Variants in TRRAP observed in about 807,000 individuals in gnomAD.
TRRAP encodes the protein transformation/transcription domain associated protein, also known as transformation/transcription domain-associated protein.
A neutral mutation model predicts 438.8 loss-of-function variants in TRRAP; 41 were observed. The ratio of observed to expected loss-of-function variants is 0.09; its 90% CI spans 0.07 to 0.12. The LOEUF (loss-of-function observed/expected upper bound fraction) is 0.12. Among genes scored for constraint, TRRAP ranks in the 10% least tolerant of loss-of-function variants. The probability of loss-of-function intolerance (pLI) is 1.00; values close to 1 mark genes in which losing one functional copy is unlikely to be tolerated. For synonymous variants in TRRAP, 1,994 were observed against 1,962.9 expected (o/e 1.02, Z -0.42); for missense variants, 3,122 against 5,055.1 (o/e 0.62, Z 11.60).
At chr7:98,938,560 T>TAC (rs1790659074) in intron 30 of TRRAP, among the ~76,000 whole-genome samples, 2 of 151,428 alleles carry the variant, frequency 1.3e-5, no homozygotes. Flanking sequence ...GGGGGTACAA[T>TAC]ATATATATAC....
chr7:98,962,226 G>A (rs1791929054), intron 46 of TRRAP, 76 bp from the exon 47 acceptor site: 16 of 1,602,616 alleles, frequency 1.0e-5, no homozygotes, highest in Non-Finnish European at 1.3e-5. Context: ...CAAGCAGCCA[G>A]CACTCAGTCC....
At chr7:99,008,244 G>A (rs1030663662) in intron 69 of TRRAP, 133 bp from the exon 70 acceptor site, 14 of 873,480 alleles carry the variant, frequency 1.6e-5, no homozygotes, top group African/African-American at 3.4e-5. Context: ...CATGACCACC[G>A]GGTTCTTCCA....
chr7:98,942,374 G>T (rs549497601), intron 30 of TRRAP, among the ~76,000 whole-genome samples: 5 of 152,304 alleles, frequency 3.3e-5, no homozygotes, highest in Admixed American at 1.3e-4. Context: ...CAGGGCCTTT[G>T]CCCTCCTCTT....
chr7:98,917,390 TTCCC>T, intron 19 of TRRAP, 29 bp from the exon 20 acceptor site: 1 of 1,604,694 alleles, frequency 6.2e-7, no homozygotes, highest in African/African-American at 1.3e-5. Flanking sequence ...GGGGAGCGTC[TTCCC>T]TCTCTGATAG....
chr7:98,918,486 C>G (rs1789629386), intron 20 of TRRAP, among the ~76,000 whole-genome samples: 1 of 151,792 alleles, frequency 6.6e-6, no homozygotes, highest in Non-Finnish European at 1.5e-5. Flanking sequence ...CCTCAGCCTC[C>G]CAAAGTGCTG....
At chr7:98,892,628 C>T in intron 5 of TRRAP, 100 bp downstream of exon 5, 1 of 1,022,700 alleles carries the variant, frequency 9.8e-7, no homozygotes, top group Non-Finnish European at 1.4e-6. Flanking sequence ...TTTTATCTTT[C>T]TCCCAAATTC....
chr7:99,008,295 C>T, intron 69 of TRRAP, 82 bp from the exon 70 acceptor site: 1 of 1,454,044 alleles, frequency 6.9e-7, no homozygotes, highest in Non-Finnish European at 9.5e-7. Flanking sequence ...CAGCTCTGCT[C>T]CCAGTGGCAC....
intron 3 of TRRAP, 43 bp downstream of exon 3, chr7:98,882,067 T>C: frequency 6.5e-7 from 1 of 1,541,874 alleles, no homozygotes; most frequent in Non-Finnish European, 8.9e-7. Flanking sequence ...GAGGTAAATA[T>C]TCTTATTCAC....
intron 4 of TRRAP, among the ~76,000 whole-genome samples, chr7:98,891,192 C>CATATATCTATAT (rs1554404795): frequency 9.0e-5 from 6 of 66,886 alleles, no homozygotes; most frequent in Admixed American, 1.8e-4. Flanking sequence ...AGAAATAGTC[C>CATATATCTATAT]ATATATATAT....
chr7:98,920,470 C>CAA (rs782559840), intron 20 of TRRAP, among the ~76,000 whole-genome samples: 5 of 93,680 alleles, frequency 5.3e-5, no homozygotes, highest in Admixed American at 1.2e-4. Context: ...ACTCCGTCTC[C>CAA]AAAAAAAAAA....
chr7:99,012,709 T>A lies in TRRAP; in HGVS notation c.*354T>A, dbSNP rs745805924. 16 of 249,734 alleles carry A rather than the reference T, an allele frequency of 6.4e-5. No individual in the cohort carries two copies. Among genetic ancestry groups the A allele is most frequent in the Admixed American group, 1.5e-4 (3 of 19,430 alleles). The allele number at this position is 249,734 out of a possible 1,614,324, so 15.5% of individuals were successfully genotyped here. A position where few individuals can be genotyped will look rare whatever the true frequency, so the allele number is the denominator to read the frequency against. On this transcript the variant is annotated 3_prime_UTR_variant, in exon 73 of 73. Transcript: ENST00000456197. The surrounding 1 kb of genome is among the most constrained non-coding windows in gnomAD (Gnocchi z 5.9). Reference sequence around the variant, plus strand: ...GTACAGGCGGAACTGTACGAACAGCTCCCTTCCATCCATTTTTAACTCTTT... The same window carrying A: ...GTACAGGCGGAACTGTACGAACAGCACCCTTCCATCCATTTTTAACTCTTT...
Position 98,892,540 on chromosome 7 carries a change from G to T in TRRAP, c.366+12G>T. On this transcript the variant is annotated intron_variant, in intron 5 of 72. Coordinates refer to ENST00000456197, the MANE Select transcript of TRRAP (RefSeq NM_001375524.1). ...TTCGCTTTTTAGAGGTAAGTTTTGA[G>T]AATTAATTCTTGTCGTATAGCCGTA... 1 of 1,590,024 alleles carries T rather than the reference G, an allele frequency of 6.3e-7. No homozygotes were observed. Among genetic ancestry groups the T allele is most frequent in the Non-Finnish European group, 8.6e-7 (1 of 1,165,986 alleles).
In TRRAP at chr7:98,949,473, C is replaced by T. The variant is rs367729860; in HGVS notation, c.4845C>T (p.Pro1615=). 6.2e-7 allele frequency: 1 copy of T among 1,610,046 alleles called. No individual in the cohort carries two copies. Among genetic ancestry groups the T allele is most frequent in the Non-Finnish European group, 8.5e-7 (1 of 1,178,542 alleles). Residue 1615 remains proline (P), a synonymous_variant, in exon 36 of 73, where the codon CCC becomes CCT. Transcript: ENST00000456197. The part of the protein sequence containing the change: ...RPLRDVLAAN[P]NRFITLLLPG... ...TGCGGGATGTGCTGGCTGCCAACCC[C>T]AACAGGTTCATCACCCTGCTGCTGC...
At chr7:98,982,280 G>T (rs1792965776) in intron 59 of TRRAP, among the ~76,000 whole-genome samples, 1 of 152,090 alleles carries the variant, frequency 6.6e-6, no homozygotes, top group Non-Finnish European at 1.5e-5. Context: ...GCAAGCTTTT[G>T]GCGGGAGCTG....
chr7:98,945,666 C>A, intron 31 of TRRAP, 81 bp from the exon 32 acceptor site: 2 of 1,527,050 alleles, frequency 1.3e-6, no homozygotes, highest in Admixed American at 1.8e-5. Flanking sequence ...CCCCAATAAC[C>A]CTTACTGTGT....
At chr7:98,888,815 C>G (rs1795832716) in intron 3 of TRRAP, among the ~76,000 whole-genome samples, 1 of 152,148 alleles carries the variant, frequency 6.6e-6, no homozygotes. Flanking sequence ...CATATCCCCC[C>G]TCATGGTTCT....
In TRRAP at chr7:98,945,876, T is replaced by C. The variant is rs1194506530; in HGVS notation, c.4528-54T>C. 1.9e-6 allele frequency: 3 copies of C among 1,571,186 alleles called. No homozygotes were observed. The African/African-American group carries it at 4.1e-5, about 21-fold the overall frequency. On this transcript the variant is annotated intron_variant, in intron 32 of 72. Coordinates refer to ENST00000456197, the MANE Select transcript of TRRAP (RefSeq NM_001375524.1). ...GTTTACCTTTTCTTTTCTTTTCTTT[T>C]CTTTTTACCTTTCTGTTGCCTTTTT...
At chr7:98,933,160 A>G (rs1554413349) in intron 26 of TRRAP, 81 bp from the exon 27 acceptor site, 1 of 1,462,464 alleles carries the variant, frequency 6.8e-7, no homozygotes, top group Non-Finnish European at 9.1e-7. Context: ...TTGGATCTCA[A>G]ACATGGTTTT....
rs1554414608 is a variant in TRRAP at position 98,937,795 on chromosome 7, A to G, written c.4379A>G (p.Asn1460Ser). The G allele has an allele frequency of 3.7e-6, 6 of 1,613,358 alleles. No individual in the cohort carries two copies. Among genetic ancestry groups the G allele is most frequent in the Non-Finnish European group, 5.1e-6 (6 of 1,179,758 alleles). ...SVTRLFPNSF[N>S]DKFCDQMMQH... ...ACGAGGCTCTTCCCAAATTCCTTCAATGATAAATTTTGTGATCAGATGATG... is the reference window on the plus strand; with the variant it reads ...ACGAGGCTCTTCCCAAATTCCTTCAGTGATAAATTTTGTGATCAGATGATG... Residue 1460 changes from asparagine (N) to serine (S), a missense_variant, in exon 30 of 73, where the codon AAT becomes AGT. Around this residue, in one of 24 missense-constraint regions of TRRAP, gnomAD observed 108 missense variants for 256.9 expected, o/e 0.42. Transcript: ENST00000456197.
Sources: allele counts gnomAD v4.1 joint callset (sites outside exome capture counted in the v4.1 genomes callset), GRCh38; gene constraint gnomAD v4.1.1; regional missense constraint gnomAD v4.1.1; non-coding constraint Gnocchi (gnomAD v3.1); transcripts MANE v1.5; gene names NCBI Gene and HGNC (gene_info 2026-07-23, HGNC 2026-07-21).